The following ZNF695 variants were observed in gnomAD, a reference collection of about 807,000 sequenced individuals.
The protein encoded by ZNF695 is zinc finger protein 695.
A neutral mutation model predicts 11.2 loss-of-function variants in ZNF695; 11 were observed. The observed-to-expected ratio is 0.98, with a 90% CI of 0.62 to 1.62. The LOEUF is 1.62. Among genes scored for constraint, ZNF695 ranks in the 40% most tolerant of loss-of-function variants. The pLI is 0.00. For synonymous variants in ZNF695, 190 were observed against 201.4 expected, an observed-to-expected ratio of 0.94 and a Z score of 0.48; for missense variants, 559 against 590.5, an observed-to-expected ratio of 0.95 and a Z score of 0.55.
intron 4 of ZNF695, among the ~76,000 whole-genome samples, chr1:246,970,891 C>T (rs567658991): frequency 2.6e-5 from 4 of 152,302 alleles, no homozygotes; most frequent in African/African-American, 4.8e-5. Flanking sequence ...CTCAGCCTCC[C>T]GAGTAGCTGG....
chr1:246,962,923 C>T (rs1185330065), intron 5 of ZNF695, among the ~76,000 whole-genome samples: 1 of 152,108 alleles, frequency 6.6e-6, no homozygotes, highest in African/African-American at 2.4e-5. Context: ...GTGATCCGCC[C>T]ATCTGGGCCT....
intron 5 of ZNF695, among the ~76,000 whole-genome samples, chr1:246,947,074 A>G (rs1324400543): frequency 1.4e-5 from 2 of 143,520 alleles, no homozygotes; most frequent in Non-Finnish European, 3.0e-5. Context: ...CGGGAGGTGG[A>G]GCTTGCAGTG....
intron 4 of ZNF695, among the ~76,000 whole-genome samples, chr1:246,975,816 G>A (rs140475534): frequency 3.3e-5 from 5 of 152,206 alleles, no homozygotes; most frequent in Non-Finnish European, 5.9e-5. Context: ...AAGAAAAATC[G>A]AAGACAACTA....
At chr1:246,994,476 G>C (rs1037851488) in intron 3 of ZNF695, among the ~76,000 whole-genome samples, 3 of 152,070 alleles carry the variant, frequency 2.0e-5, no homozygotes, top group African/African-American at 7.2e-5. Flanking sequence ...GGGAGGCAGA[G>C]GTTGCAGTGA....
intron 4 of ZNF695, among the ~76,000 whole-genome samples, chr1:246,979,395 A>G (rs1398547937): frequency 6.6e-6 from 1 of 152,116 alleles, no homozygotes; most frequent in Non-Finnish European, 1.5e-5. Context: ...CATAGCCAGG[A>G]GAGCATCCTG....
intron 1 of ZNF695, among the ~76,000 whole-genome samples, chr1:247,001,712 C>CAAAA (rs56131097): frequency 1.3e-5 from 1 of 79,272 alleles, no homozygotes; most frequent in African/African-American, 4.9e-5. Flanking sequence ...GACTTCGTCT[C>CAAAA]AAAAAAAAAA....
At chr1:246,999,822 G>A in intron 2 of ZNF695, 90 bp downstream of exon 2, 2 of 1,352,272 alleles carry the variant, frequency 1.5e-6, no homozygotes, top group Non-Finnish European at 2.0e-6. Context: ...AATCCCCAAG[G>A]TTTTCTTGAA....
intron 5 of ZNF695, among the ~76,000 whole-genome samples, chr1:246,964,411 A>G (rs78809926): frequency 0.012 from 1,792 of 152,314 alleles, 35 homozygotes; most frequent in Non-Finnish European, 0.015. Context: ...AGTGATCAGG[A>G]TCTCTGTGTC....
chr1:246,991,509 A>AG (rs1199567379), intron 3 of ZNF695, among the ~76,000 whole-genome samples: 4 of 152,220 alleles, frequency 2.6e-5, no homozygotes, highest in African/African-American at 9.6e-5. Context: ...AATAGCAAAC[A>AG]GGCATATGAA....
chr1:246,960,894 G>C (rs1022970363), intron 5 of ZNF695, among the ~76,000 whole-genome samples: 5 of 152,038 alleles, frequency 3.3e-5, no homozygotes, highest in African/African-American at 1.2e-4. Flanking sequence ...CTCCAGCCTG[G>C]GTGGAGACCC....
intron 1 of ZNF695, among the ~76,000 whole-genome samples, chr1:247,002,455 A>C (rs1185516876): frequency 6.6e-6 from 1 of 152,202 alleles, no homozygotes; most frequent in Non-Finnish European, 1.5e-5. Context: ...GAACTAGAAA[A>C]CCAAGAGCAT....
chr1:246,946,132 C>T (rs12409610), intron 5 of ZNF695, among the ~76,000 whole-genome samples: 1,942 of 152,248 alleles, frequency 0.013, 128 homozygotes, highest in Admixed American at 0.1. Context: ...AAATGCTCCC[C>T]GTGCCACACC....
chr1:246,957,592 A>G (rs767184308), intron 5 of ZNF695, among the ~76,000 whole-genome samples: 3 of 152,194 alleles, frequency 2.0e-5, no homozygotes, highest in Non-Finnish European at 2.9e-5. Context: ...TTATGTAGCA[A>G]TATGAGATAA....
chr1:246,984,325 A>C (rs1276591263), downstream of ZNF695, among the ~76,000 whole-genome samples: 1 of 150,958 alleles, frequency 6.6e-6, no homozygotes, highest in Non-Finnish European at 1.5e-5. Flanking sequence ...ATGCATAAGT[A>C]GTTGAGAAGA....
At chr1:247,001,832 C>A (rs1377132843) in intron 1 of ZNF695, among the ~76,000 whole-genome samples, 3 of 151,776 alleles carry the variant, frequency 2.0e-5, no homozygotes, top group Non-Finnish European at 2.9e-5. Context: ...CATTGAAGCA[C>A]CCAGATTCAT....
In ZNF695 at chr1:246,986,907, G is replaced by C. The variant is rs1668865529; in HGVS notation, c.*60C>G. The C allele has an allele frequency of 6.6e-7, 1 of 1,513,570 alleles. No individual in the cohort carries two copies. 93.8% of individuals were successfully genotyped at this position (1,513,570 alleles called of 1,614,324 possible). Reference sequence around the variant, plus strand: ...TCTTATTCAGTAAAAATATTCTGCTGTGAAGTTGTGAATAGGTATTAAAGA... The same window carrying C: ...TCTTATTCAGTAAAAATATTCTGCTCTGAAGTTGTGAATAGGTATTAAAGA... On this transcript the variant is annotated 3_prime_UTR_variant, in exon 4 of 4. Coordinates refer to ENST00000339986, the MANE Select transcript of ZNF695 (RefSeq NM_020394.5).
chr1:246,950,745 C>T (rs944899810), intron 5 of ZNF695, among the ~76,000 whole-genome samples: 7 of 151,786 alleles, frequency 4.6e-5, no homozygotes, highest in African/African-American at 1.7e-4. Flanking sequence ...CATTGCTCTC[C>T]TGGCTCTGTC....
At chr1:246,980,158 G>A (rs1312024564) in intron 4 of ZNF695, among the ~76,000 whole-genome samples, 7 of 89,462 alleles carry the variant, frequency 7.8e-5, no homozygotes, top group African/African-American at 2.6e-4. Flanking sequence ...CAGCCTGGAC[G>A]ACAGCCTGGA....
downstream of ZNF695, among the ~76,000 whole-genome samples, chr1:246,982,270 CAA>C (rs11397736): frequency 4.5e-5 from 5 of 111,214 alleles, no homozygotes; most frequent in African/African-American, 3.6e-5. Context: ...AACTTAGTCT[CAA>C]AAAAAAAAAA....
Sources: allele counts gnomAD v4.1 joint callset (sites outside exome capture counted in the v4.1 genomes callset), GRCh38; gene constraint gnomAD v4.1.1; transcripts MANE v1.5; gene names NCBI Gene and HGNC (gene_info 2026-07-23, HGNC 2026-07-21).